Variants in AGBL4 observed in about 807,000 individuals in gnomAD.
The protein encoded by AGBL4 is AGBL carboxypeptidase 4.
In AGBL4, 58 loss-of-function variants were observed where a neutral mutation model predicts 66.4. That is an observed-to-expected ratio of 0.87 (90% CI 0.71 to 1.09). AGBL4 has a LOEUF of 1.09. AGBL4 is among the 50% of genes least tolerant of loss of function. The pLI is 0.00. For synonymous variants in AGBL4, 234 were observed against 222.9 expected (o/e 1.05, Z -0.44); for missense variants, 579 against 631.0 (o/e 0.92, Z 0.88).
intron 3 of AGBL4, among the ~76,000 whole-genome samples, chr1:49,369,259 T>C (rs564827600): frequency 6.6e-6 from 1 of 152,320 alleles, no homozygotes; most frequent in African/African-American, 2.4e-5. Context: ...CCTTTAGATA[T>C]CTTTAGAAAT....
At chr1:49,725,358 T>C (rs1374087299) in intron 2 of AGBL4, among the ~76,000 whole-genome samples, 3 of 152,194 alleles carry the variant, frequency 2.0e-5, no homozygotes, top group Non-Finnish European at 4.4e-5. Context: ...AAAATGAATA[T>C]GTATCTGCAA....
chr1:48,694,744 G>A (rs571714474), intron 6 of AGBL4, among the ~76,000 whole-genome samples: 22 of 152,276 alleles, frequency 1.4e-4, no homozygotes, highest in African/African-American at 5.1e-4. Flanking sequence ...GGGTCCAGAG[G>A]ATGATAAGAC....
At chr1:48,862,078 G>A (rs570589939) in intron 6 of AGBL4, among the ~76,000 whole-genome samples, 1 of 152,176 alleles carries the variant, frequency 6.6e-6, no homozygotes, top group East Asian at 1.9e-4. Flanking sequence ...TTCCCACCAG[G>A]AGACTGCCTT....
chr1:49,090,474 A>G (rs888193537), intron 4 of AGBL4, among the ~76,000 whole-genome samples: 3 of 152,194 alleles, frequency 2.0e-5, no homozygotes, highest in Admixed American at 6.5e-5. Context: ...TCAAGAATGC[A>G]ATCCCATTCA....
chr1:49,841,851 C>T (rs1044253236), intron 2 of AGBL4: 20 of 501,912 alleles, frequency 4.0e-5, no homozygotes, highest in East Asian at 9.4e-5. Flanking sequence ...CACAGTCAGG[C>T]GGAGCAGGGG....
At chr1:49,489,526 C>G (rs768252778) in intron 3 of AGBL4, among the ~76,000 whole-genome samples, 4 of 151,014 alleles carry the variant, frequency 2.6e-5, no homozygotes, top group Non-Finnish European at 5.9e-5. Flanking sequence ...TGTGCAGAAG[C>G]TTTTTACATT....
In AGBL4 at chr1:48,867,196, C is replaced by A; in HGVS notation, c.629G>T (p.Ser210Ile). The part of the protein sequence containing the change: ...QRKLDLLTIT[S>I]PDNLREGAEQ... ...GAAGGGCCACGCCTACTCACCAGGG[C>A]TGGTTATCGTCAGGAGGTCAAGCTT... Residue 210 changes from serine to isoleucine, a missense_variant, in exon 6 of 14, where the codon AGC becomes ATC. Physicochemically the swap from Ser to Ile is moderately radical, Grantham distance 142. Coordinates refer to ENST00000371839, the MANE Select transcript of AGBL4 (RefSeq NM_032785.4). 1.9e-6 allele frequency: 3 copies of A among 1,613,582 alleles called. No homozygotes were observed. The highest frequency in any genetic ancestry group is 2.5e-6 in the Non-Finnish European group (3 of 1,179,754).
At chr1:49,719,033 A>T (rs1648387040) in intron 2 of AGBL4, among the ~76,000 whole-genome samples, 1 of 152,128 alleles carries the variant, frequency 6.6e-6, no homozygotes, top group Non-Finnish European at 1.5e-5. Context: ...TAGAATAGGT[A>T]CATTGGGTCA....
At chr1:49,224,331 T>G (rs997892839) in intron 4 of AGBL4, among the ~76,000 whole-genome samples, 1 of 152,070 alleles carries the variant, frequency 6.6e-6, no homozygotes, top group African/African-American at 2.4e-5. Flanking sequence ...AAATTCCAAT[T>G]GGCCGGCCGG....
At chr1:49,528,840 T>C (rs1310282611) in intron 3 of AGBL4, among the ~76,000 whole-genome samples, 4 of 152,104 alleles carry the variant, frequency 2.6e-5, no homozygotes, top group African/African-American at 9.7e-5. Flanking sequence ...GGTTTATATA[T>C]AAGAAATTAC....
At chr1:49,990,384 T>C (rs1193645068) in intron 1 of AGBL4, among the ~76,000 whole-genome samples, 3 of 152,026 alleles carry the variant, frequency 2.0e-5, no homozygotes, top group African/African-American at 7.3e-5. Context: ...GATCTGATGG[T>C]TTTATAAGGG....
chr1:48,702,979 G>T (rs1646826076), intron 6 of AGBL4, among the ~76,000 whole-genome samples: 1 of 152,120 alleles, frequency 6.6e-6, no homozygotes, highest in African/African-American at 2.4e-5. Flanking sequence ...TTACTTTTAA[G>T]CTTCCTTTTT....
At chr1:49,552,231 C>T (rs1653014417) in intron 3 of AGBL4, among the ~76,000 whole-genome samples, 1 of 152,182 alleles carries the variant, frequency 6.6e-6, no homozygotes, top group Non-Finnish European at 1.5e-5. Flanking sequence ...CTACCTGTCT[C>T]CTAGCTGAGG....
At chr1:49,302,022 T>A (rs1644754286) in intron 3 of AGBL4, among the ~76,000 whole-genome samples, 1 of 152,104 alleles carries the variant, frequency 6.6e-6, no homozygotes, top group African/African-American at 2.4e-5. Context: ...GCTGTCTTAG[T>A]GATTGGTTTT....
intron 3 of AGBL4, among the ~76,000 whole-genome samples, chr1:49,692,487 G>A (rs1571339916): frequency 6.6e-6 from 1 of 152,228 alleles, no homozygotes; most frequent in East Asian, 1.9e-4. Flanking sequence ...GGGAGGCTGA[G>A]GCGGGTGGAT....
chr1:48,837,596 T>C (rs1442223068), intron 6 of AGBL4, among the ~76,000 whole-genome samples: 3 of 151,310 alleles, frequency 2.0e-5, no homozygotes, highest in South Asian at 4.2e-4. Context: ...ACTGGCTTCC[T>C]TGCTGTTCAG....
intron 3 of AGBL4, among the ~76,000 whole-genome samples, chr1:49,445,921 G>A (rs779857685): frequency 1.2e-4 from 18 of 151,980 alleles, no homozygotes; most frequent in Non-Finnish European, 2.4e-4. Flanking sequence ...GTGCAATCTC[G>A]GCTCACTGCA....
chr1:48,612,848 T>C (rs1645259793), intron 9 of AGBL4, among the ~76,000 whole-genome samples: 1 of 152,128 alleles, frequency 6.6e-6, no homozygotes, highest in Non-Finnish European at 1.5e-5. Context: ...AAAAACAAAA[T>C]GAGGGCCAGG....
At chr1:48,729,814 T>A (rs555373909) in intron 6 of AGBL4, among the ~76,000 whole-genome samples, 1 of 152,172 alleles carries the variant, frequency 6.6e-6, no homozygotes, top group African/African-American at 2.4e-5. Context: ...AAGCTTTTAA[T>A]TGACCTCGAC....
Sources: gnomAD v4.1 joint callset for allele counts (sites outside exome capture counted in the v4.1 genomes callset) on GRCh38, gnomAD v4.1.1 for gene constraint, MANE v1.5 for transcripts, NCBI Gene and HGNC (gene_info 2026-07-23, HGNC 2026-07-21) for gene names.